The following BAIAP2 variants were observed in gnomAD, a reference collection of about 807,000 sequenced individuals.
The protein encoded by BAIAP2 is BAR/IMD domain containing adaptor protein 2.
A neutral mutation model predicts 63.0 loss-of-function variants in BAIAP2; 18 were observed. The observed-to-expected ratio is 0.29, with a 90% CI of 0.20 to 0.42. The LOEUF (loss-of-function observed/expected upper bound fraction) is 0.42, where lower values mean the gene tolerates loss of function less well. Ranked by LOEUF, BAIAP2 falls within the 10% of genes least tolerant of loss-of-function variation. The probability of loss-of-function intolerance (pLI) is 1.00; values close to 1 mark genes in which losing one functional copy is unlikely to be tolerated. For synonymous variants in BAIAP2, 386 were observed against 307.6 expected (o/e 1.25, Z -2.67); for missense variants, 610 against 734.3 (o/e 0.83, Z 1.96).
At chr17:81,061,298 T>C (rs2050510237) in intron 3 of BAIAP2, among the ~76,000 whole-genome samples, 1 of 152,266 alleles carries the variant, frequency 6.6e-6, no homozygotes, top group African/African-American at 2.4e-5. Context: ...CGGTGTATTA[T>C]GATGACTGTT....
intron 13 of BAIAP2, chr17:81,109,211 C>T: frequency 1.4e-6 from 2 of 1,399,438 alleles, no homozygotes; most frequent in South Asian, 3.2e-5. Flanking sequence ...GTTTACGCGC[C>T]CCATCCTGTG....
intron 10 of BAIAP2, chr17:81,105,865 T>G (rs1598812339): frequency 2.0e-6 from 1 of 508,494 alleles, no homozygotes. Context: ...TCCCACCAGG[T>G]TGAGGACAGC....
Position 81,103,631 on chromosome 17 carries a change from C to G in BAIAP2, c.772C>G (p.Leu258Val). The G allele has an allele frequency of 6.2e-7, 1 of 1,605,752 alleles. No individual in the cohort carries two copies. The highest frequency in any genetic ancestry group is 8.5e-7 in the Non-Finnish European group (1 of 1,178,814). The part of the protein sequence containing the change: ...ASNGATLPSA[L>V]SASKSNLVIS... ...CAACGGCGCCACCCTCCCCAGCGCCCTGTCGGCCTCCAAGTCCAACCTGGT... is the reference window on the plus strand; with the variant it reads ...CAACGGCGCCACCCTCCCCAGCGCCGTGTCGGCCTCCAAGTCCAACCTGGT... The change falls in exon 8 of 14, where the codon CTG becomes GTG. Residue 258 changes from leucine to valine, a missense_variant. By Grantham distance (32) the Leu-to-Val change is conservative. Around this residue, in one of 5 missense-constraint regions of BAIAP2, gnomAD observed 389 missense variants for 455.6 expected, o/e 0.85. Transcript: ENST00000428708.
chr17:81,048,531 G>C (rs1182711322), intron 1 of BAIAP2, among the ~76,000 whole-genome samples: 1 of 152,104 alleles, frequency 6.6e-6, no homozygotes, highest in East Asian at 1.9e-4. Flanking sequence ...CGGGGGTTTT[G>C]CTGCTGCCTT....
intron 6 of BAIAP2, among the ~76,000 whole-genome samples, chr17:81,090,042 C>G (rs1170864501): frequency 6.6e-6 from 1 of 152,166 alleles, no homozygotes; most frequent in African/African-American, 2.4e-5. Flanking sequence ...TGAGCAGCCT[C>G]CTTTCTCTAG....
chr17:81,100,416 G>A (rs1390125046), intron 7 of BAIAP2, among the ~76,000 whole-genome samples: 6 of 152,172 alleles, frequency 3.9e-5, no homozygotes, highest in Admixed American at 1.3e-4. Flanking sequence ...GCAGGGGACG[G>A]TCATGCTCCG....
chr17:81,060,301 G>A (rs757673390), intron 3 of BAIAP2, among the ~76,000 whole-genome samples: 9 of 152,222 alleles, frequency 5.9e-5, no homozygotes, highest in African/African-American at 1.2e-4. Context: ...ACCCCAAAGC[G>A]TTTTTAGCAC....
intron 2 of BAIAP2, among the ~76,000 whole-genome samples, chr17:81,057,155 C>T (rs76912602): frequency 0.41 from 62,112 of 152,192 alleles, 13,145 homozygotes; most frequent in East Asian, 0.67. Flanking sequence ...GCCCTTTCTG[C>T]GGCCTGGAGG....
chr17:81,111,039 C>G (rs1348808598), intron 13 of BAIAP2: 8 of 1,568,834 alleles, frequency 5.1e-6, no homozygotes, highest in Admixed American at 3.4e-5. Context: ...GTCACGCAGC[C>G]TGGGTGGGGA....
intron 3 of BAIAP2, among the ~76,000 whole-genome samples, chr17:81,064,867 T>C (rs1273842159): frequency 6.6e-6 from 1 of 152,350 alleles, no homozygotes; most frequent in East Asian, 1.9e-4. Flanking sequence ...TTTGCTTTGA[T>C]ATGGCAAGCG....
At chr17:81,055,574 G>GTTTTTTGTTTTTTTTTTTTTTTTTT (rs370775327) in intron 2 of BAIAP2, among the ~76,000 whole-genome samples, 1 of 123,406 alleles carries the variant, frequency 8.1e-6, no homozygotes, top group African/African-American at 2.9e-5. Flanking sequence ...AGGGTGTTTT[G>GTTTTTTGTTTTTTTTTTTTTTTTTT]TTTTTTTTTG....
intron 6 of BAIAP2, among the ~76,000 whole-genome samples, chr17:81,096,239 TGCTCTCTGGCCCTGA>T (rs2057589767): frequency 6.6e-6 from 1 of 152,274 alleles, no homozygotes; most frequent in South Asian, 2.1e-4. Context: ...TCCTGCTGAG[TGCTCTCTGGCCCTGA>T]GCTCTCTGCC....
At chr17:81,103,241 G>A (rs578180546) in intron 7 of BAIAP2, among the ~76,000 whole-genome samples, 9 of 152,350 alleles carry the variant, frequency 5.9e-5, no homozygotes, top group East Asian at 3.9e-4. Context: ...TGGGCCCCGC[G>A]GGCGTTGAGC....
chr17:81,090,336 TG>T (rs1266097467), intron 6 of BAIAP2, among the ~76,000 whole-genome samples: 1 of 152,052 alleles, frequency 6.6e-6, no homozygotes, highest in Non-Finnish European at 1.5e-5. Flanking sequence ...GGTGCCTGCG[TG>T]GGGGCTCTCC....
At chr17:81,067,203 C>T (rs751625172) in intron 3 of BAIAP2, among the ~76,000 whole-genome samples, 1 of 152,234 alleles carries the variant, frequency 6.6e-6, no homozygotes, top group Non-Finnish European at 1.5e-5. Flanking sequence ...CAGTAGGACT[C>T]CGGCAGGGGT....
intron 1 of BAIAP2, among the ~76,000 whole-genome samples, chr17:81,049,065 C>CTG (rs2048269824): frequency 6.6e-6 from 1 of 152,246 alleles, no homozygotes; most frequent in African/African-American, 2.4e-5. Flanking sequence ...AAACGAGGAA[C>CTG]TGGAAGTCCG....
At chr17:81,039,880 C>T (rs998272042) in intron 1 of BAIAP2, among the ~76,000 whole-genome samples, 5 of 152,198 alleles carry the variant, frequency 3.3e-5, no homozygotes, top group African/African-American at 1.2e-4. Flanking sequence ...TTCCGAGCTC[C>T]AGGAGGCAGA....
intron 3 of BAIAP2, chr17:81,083,423 T>C (rs569023869): frequency 6.6e-6 from 1 of 152,328 alleles, no homozygotes; most frequent in South Asian, 2.1e-4. Flanking sequence ...TGCCTGGCAC[T>C]GGAAACAGTA....
At chr17:81,091,153 G>A (rs1440743225) in intron 6 of BAIAP2, among the ~76,000 whole-genome samples, 4 of 91,432 alleles carry the variant, frequency 4.4e-5, no homozygotes, top group African/African-American at 8.7e-5. Flanking sequence ...AGGAGGCCCC[G>A]TCCCTCCAGT....
Sources: allele counts gnomAD v4.1 joint callset (sites outside exome capture counted in the v4.1 genomes callset), GRCh38; gene constraint gnomAD v4.1.1; regional missense constraint gnomAD v4.1.1; transcripts MANE v1.5; gene names NCBI Gene and HGNC (gene_info 2026-07-23, HGNC 2026-07-21).